The following JAML variants were observed in gnomAD, a reference collection of about 807,000 sequenced individuals.
JAML encodes the protein junctional adhesion molecule-like.
JAML carries 25 observed loss-of-function variants against 39.3 expected under a neutral mutation model. The ratio of observed to expected loss-of-function variants is 0.64; its 90% CI spans 0.46 to 0.89. The LOEUF is 0.89. Ranked by LOEUF, JAML falls within the 40% of genes least tolerant of loss-of-function variation. The pLI is 0.00. For synonymous variants in JAML, 162 were observed against 179.2 expected (o/e 0.90, Z 0.77); for missense variants, 440 against 486.9 (o/e 0.90, Z 0.91).
At chr11:118,212,386 G>A in intron 3 of JAML, 21 bp downstream of exon 3, 1 of 1,612,318 alleles carries the variant, frequency 6.2e-7, no homozygotes, top group Non-Finnish European at 8.5e-7. Context: ...CTATTACATA[G>A]TGATGTTTCC....
intron 7 of JAML, 117 bp from the exon 8 acceptor site, chr11:118,198,208 T>A: frequency 1.2e-6 from 1 of 817,752 alleles, no homozygotes; most frequent in South Asian, 1.6e-5. Flanking sequence ...GGAACTATTC[T>A]CTCTGGACTC....
At chr11:118,208,844 C>G (rs1948979722) in intron 4 of JAML, 1 of 152,384 alleles carries the variant, frequency 6.6e-6, no homozygotes, top group African/African-American at 2.4e-5. Context: ...AAAAGAGAGA[C>G]ATGGAAATTA....
intron 6 of JAML, 38 bp from the exon 7 acceptor site, chr11:118,200,650 C>T: frequency 6.2e-7 from 1 of 1,613,012 alleles, no homozygotes; most frequent in East Asian, 2.2e-5. Context: ...GGTCTCAATA[C>T]TTTAGCAAAG....
intron 1 of JAML, among the ~76,000 whole-genome samples, chr11:118,223,455 C>T (rs1352708743): frequency 6.6e-6 from 1 of 152,072 alleles, no homozygotes. Context: ...TAATAATATA[C>T]TAATGCAAAG....
Position 118,197,997 on chromosome 11 carries a change from C to T in JAML, c.1005+1G>A. 1 of 1,613,682 alleles carries T rather than the reference C, an allele frequency of 6.2e-7. No individual in the cohort carries two copies. Among genetic ancestry groups the T allele is most frequent in the Non-Finnish European group, 8.5e-7 (1 of 1,179,552 alleles). On this transcript the variant is annotated splice_donor_variant, in intron 8 of 9. Transcript: ENST00000356289. LOFTEE classifies it high-confidence loss of function. The stretch of plus-strand genomic sequence containing the variant: ...TGTTTTAGGCTGAAGCGTGTGTTCA[C>T]CTCCCCTTCACATCTTTCAAAATGG...
chr11:118,194,305 G>T lies in JAML; in HGVS notation c.*20C>A, dbSNP rs769688161. ...AGAGAGTCTCCACCGCTGCTGAGAT[G>T]AAGGGACTCTCCATTCTTCTCAAAA... On this transcript the variant is annotated 3_prime_UTR_variant, in exon 10 of 10. Coordinates refer to ENST00000356289, the MANE Select transcript of JAML (RefSeq NM_001098526.2). The T allele has an allele frequency of 6.2e-7, 1 of 1,604,482 alleles. No individual in the cohort carries two copies. Among genetic ancestry groups the T allele is most frequent in the South Asian group, 1.1e-5 (1 of 90,878 alleles).
chr11:118,213,427 C>T (rs1949098945), intron 2 of JAML: 1 of 757,076 alleles, frequency 1.3e-6, no homozygotes, highest in Non-Finnish European at 1.6e-6. Context: ...CAGTTAACTT[C>T]CTGCCCCAAC....
intron 3 of JAML, 53 bp from the exon 4 acceptor site, chr11:118,210,765 G>T: frequency 4.1e-6 from 6 of 1,469,448 alleles, no homozygotes; most frequent in Non-Finnish European, 5.7e-6. Flanking sequence ...AGACCGAGGA[G>T]CCTGGATCCC....
chr11:118,217,727 C>A (rs1225886580), intron 1 of JAML, among the ~76,000 whole-genome samples: 1 of 152,144 alleles, frequency 6.6e-6, no homozygotes, highest in Non-Finnish European at 1.5e-5. Flanking sequence ...TCACAACAAC[C>A]CCATGAGGTT....
At chr11:118,205,645 A>G (rs1323754114) in intron 5 of JAML, 2 of 509,972 alleles carry the variant, frequency 3.9e-6, no homozygotes, top group Non-Finnish European at 7.1e-6. Flanking sequence ...AATGCTTTAC[A>G]TGTACAATCT....
intron 1 of JAML, among the ~76,000 whole-genome samples, chr11:118,221,952 G>A (rs992656198): frequency 6.6e-5 from 10 of 152,252 alleles, no homozygotes; most frequent in African/African-American, 2.4e-4. Context: ...ATTTCACATA[G>A]GAGGTTACCT....
In JAML at chr11:118,205,771, A is replaced by G. The variant is rs577811167; in HGVS notation, c.534+111T>C. The G allele has an allele frequency of 2.4e-4, 230 of 948,254 alleles. 1 individual carries two copies. Among genetic ancestry groups the G allele is most frequent in the Middle Eastern group, 1.1e-3 (5 of 4,606 alleles). The allele number at this position is 948,254 out of a possible 1,614,324, so 58.7% of individuals were successfully genotyped here. ...GCTAGGAGAAGGTCCAGTTCTGATAAGCACCAAAGCCCAGGCTCTTGCAAC... is the reference window on the plus strand; with the variant it reads ...GCTAGGAGAAGGTCCAGTTCTGATAGGCACCAAAGCCCAGGCTCTTGCAAC... On this transcript the variant is annotated intron_variant, in intron 5 of 9. Transcript: ENST00000356289.
chr11:118,207,342 A>G (rs986347304), intron 4 of JAML, among the ~76,000 whole-genome samples: 1 of 152,198 alleles, frequency 6.6e-6, no homozygotes, highest in Non-Finnish European at 1.5e-5. Flanking sequence ...CTCCCATTTT[A>G]CAGAGAAGGA....
intron 4 of JAML, among the ~76,000 whole-genome samples, chr11:118,207,188 A>G (rs549158322): frequency 6.6e-6 from 1 of 152,390 alleles, no homozygotes; most frequent in African/African-American, 2.4e-5. Flanking sequence ...ATCTATCAGC[A>G]CATTAAGAAT....
intron 1 of JAML, among the ~76,000 whole-genome samples, chr11:118,224,386 G>A (rs1483216998): frequency 1.3e-5 from 2 of 152,110 alleles, no homozygotes; most frequent in African/African-American, 4.8e-5. Context: ...GGCTTCTAAA[G>A]GTTAAATATT....
intron 8 of JAML, 48 bp from the exon 9 acceptor site, chr11:118,196,869 T>C (rs754864453): frequency 8.6e-6 from 13 of 1,504,256 alleles, no homozygotes; most frequent in Non-Finnish European, 1.2e-5. Context: ...AGATGAATCT[T>C]ATACACCAGA....
At chr11:118,202,592 G>C (rs1300279003) in intron 6 of JAML, 6 of 216,864 alleles carry the variant, frequency 2.8e-5, no homozygotes, top group African/African-American at 1.4e-4. Flanking sequence ...AGCTGCATGA[G>C]CCCCCATAAT....
chr11:118,203,737 G>A lies in JAML; in HGVS notation c.535-72C>T, dbSNP rs1192762014. ...AGCGGGGAGCAGAGAAAATGGGGGA[G>A]GGAAGATCTCAGGACTCCAAGGCCC... On this transcript the variant is annotated intron_variant, in intron 5 of 9. Transcript: ENST00000356289. 1.3e-5 allele frequency: 17 copies of A among 1,317,544 alleles called. No homozygotes were observed. In the East Asian group the frequency reaches 3.2e-4, roughly 25 times the overall value. The allele number at this position is 1,317,544 out of a possible 1,614,324, so 81.6% of individuals were successfully genotyped here.
chr11:118,207,212 T>A (rs951939517), intron 4 of JAML, among the ~76,000 whole-genome samples: 1 of 152,248 alleles, frequency 6.6e-6, no homozygotes, highest in Non-Finnish European at 1.5e-5. Context: ...ACTCTATTTT[T>A]AAAATGCAAT....
Sources: gnomAD v4.1 joint callset for allele counts (sites outside exome capture counted in the v4.1 genomes callset) on GRCh38, gnomAD v4.1.1 for gene constraint, MANE v1.5 for transcripts, NCBI Gene and HGNC (gene_info 2026-07-23, HGNC 2026-07-21) for gene names.